TRIT1: variants seen among roughly 807,000 people sequenced by gnomAD.
TRIT1 encodes the protein tRNA isopentenyltransferase 1.
Under a neutral mutation model 51.2 loss-of-function variants are expected in TRIT1, and 43 were observed. The ratio of observed to expected loss-of-function variants is 0.84; its 90% CI spans 0.66 to 1.08. The LOEUF is 1.08. TRIT1 is among the 50% of genes least tolerant of loss of function. The probability of loss-of-function intolerance (pLI) is 0.00; values close to 1 mark genes in which losing one functional copy is unlikely to be tolerated. For missense variants in TRIT1, 528 were observed against 578.4 expected, an observed-to-expected ratio of 0.91 and a Z score of 0.89; for synonymous variants, 184 against 203.9, an observed-to-expected ratio of 0.90 and a Z score of 0.83.
intron 8 of TRIT1, among the ~76,000 whole-genome samples, chr1:39,845,966 T>G (rs553854819): frequency 2.5e-4 from 38 of 152,362 alleles, no homozygotes; most frequent in African/African-American, 8.7e-4. Flanking sequence ...GAGGAATTAT[T>G]GTGGTTTTAC....
At chr1:39,870,513 T>TAAAAAAAAA (rs60334518) in intron 1 of TRIT1, among the ~76,000 whole-genome samples, 25 of 78,786 alleles carry the variant, frequency 3.2e-4, no homozygotes, top group African/African-American at 6.1e-4. Context: ...CAATAAATAC[T>TAAAAAAAAA]AAAAAAAAAA....
At chr1:39,857,494 T>C in intron 1 of TRIT1, 77 bp from the exon 2 acceptor site, 1 of 1,529,380 alleles carries the variant, frequency 6.5e-7, no homozygotes, top group Middle Eastern at 1.7e-4. Flanking sequence ...GAAATTTTGA[T>C]CTATTTCTCC....
chr1:39,879,530 T>C (rs1034608338), intron 1 of TRIT1, among the ~76,000 whole-genome samples: 5 of 151,986 alleles, frequency 3.3e-5, no homozygotes, highest in African/African-American at 1.2e-4. Flanking sequence ...GTTCCATGCC[T>C]ATAGTCCCAG....
At chr1:39,855,248 C>T (rs998937136) in intron 2 of TRIT1, among the ~76,000 whole-genome samples, 1 of 152,198 alleles carries the variant, frequency 6.6e-6, no homozygotes, top group Non-Finnish European at 1.5e-5. Flanking sequence ...AGACAGACCA[C>T]CTCTTTTCTA....
chr1:39,867,863 C>A (rs1309858677), intron 1 of TRIT1, among the ~76,000 whole-genome samples: 8 of 152,118 alleles, frequency 5.3e-5, no homozygotes, highest in Non-Finnish European at 7.4e-5. Context: ...TTGTTTGCTT[C>A]AAGTAATGAA....
At chr1:39,859,935 A>G (rs1215227077) in intron 1 of TRIT1, among the ~76,000 whole-genome samples, 2 of 152,240 alleles carry the variant, frequency 1.3e-5, no homozygotes, top group African/African-American at 4.8e-5. Context: ...CAGAAACCCT[A>G]GAAGGCTAGA....
chr1:39,842,415 T>C (rs1641963325), intron 10 of TRIT1, among the ~76,000 whole-genome samples: 1 of 152,230 alleles, frequency 6.6e-6, no homozygotes, highest in Admixed American at 6.5e-5. Flanking sequence ...TTGCAGGGCA[T>C]TGCCTGTTGT....
chr1:39,845,912 G>T (rs1471494257), intron 8 of TRIT1, among the ~76,000 whole-genome samples: 1 of 152,150 alleles, frequency 6.6e-6, no homozygotes, highest in African/African-American at 2.4e-5. Flanking sequence ...TGAGGAACAG[G>T]CATATGACAC....
chr1:39,844,023 T>G (rs1642073319), intron 10 of TRIT1, 78 bp downstream of exon 10: 1 of 978,784 alleles, frequency 1.0e-6, no homozygotes, highest in African/African-American at 1.6e-5. Context: ...AGGTTCAATC[T>G]GCCAAAGACT....
intron 1 of TRIT1, among the ~76,000 whole-genome samples, chr1:39,870,577 G>A (rs1338929070): frequency 8.1e-6 from 1 of 123,644 alleles, no homozygotes; most frequent in Non-Finnish European, 1.7e-5. Context: ...GTAAATTAAC[G>A]ACAATGAGAT....
At chr1:39,865,593 G>A (rs893135219) in intron 1 of TRIT1, among the ~76,000 whole-genome samples, 1 of 100,432 alleles carries the variant, frequency 1.0e-5, no homozygotes, top group South Asian at 3.4e-4. Flanking sequence ...TCCCAGCACC[G>A]TGGGTGGCTG....
chr1:39,872,760 C>T (rs1338924075), intron 1 of TRIT1, among the ~76,000 whole-genome samples: 3 of 130,602 alleles, frequency 2.3e-5, no homozygotes, highest in East Asian at 2.4e-4. Flanking sequence ...TAAACACACA[C>T]ACACACACAC....
Position 39,841,708 on chromosome 1 carries a change from C to T in TRIT1, c.*36G>A, listed in dbSNP as rs560729900. ...CATACCCCTCCCTCCTGAACTGGATCCCCACCACCTTTCCAAAGGCCACTG... is the reference window on the plus strand; with the variant it reads ...CATACCCCTCCCTCCTGAACTGGATTCCCACCACCTTTCCAAAGGCCACTG... On this transcript the variant is annotated 3_prime_UTR_variant, in exon 11 of 11. Transcript: ENST00000316891. 327 of 1,579,232 alleles carry T rather than the reference C, an allele frequency of 2.1e-4. 3 individuals are homozygous for T. The East Asian group carries it at 6.3e-3, about 30-fold the overall frequency.
At chr1:39,874,455 CAT>C (rs1425634643) in intron 1 of TRIT1, among the ~76,000 whole-genome samples, 1 of 152,046 alleles carries the variant, frequency 6.6e-6, no homozygotes, top group African/African-American at 2.4e-5. Context: ...ATATCCATAA[CAT>C]AGTGTTAAAA....
At chr1:39,876,817 A>G (rs1019320988) in intron 1 of TRIT1, among the ~76,000 whole-genome samples, 6 of 151,172 alleles carry the variant, frequency 4.0e-5, no homozygotes, top group Non-Finnish European at 8.8e-5. Context: ...AGTCCCAGCT[A>G]CTCAGGAGGC....
chr1:39,857,262 CT>C lies in TRIT1; in HGVS notation c.315+14del. On this transcript the variant is annotated intron_variant, in intron 2 of 10. Coordinates refer to ENST00000316891, the MANE Select transcript of TRIT1 (RefSeq NM_017646.6). ...TTCACCCACCAAACCCAGCTGCTGC[CT>C]TTCCTAAGGATATCAGAGCAGTTGC... is the stretch of plus-strand genomic sequence containing the variant. The C allele has an allele frequency of 6.3e-7, 1 of 1,595,010 alleles. No individual in the cohort carries two copies. The highest frequency in any genetic ancestry group is 8.6e-7 in the Non-Finnish European group (1 of 1,168,632).
intron 8 of TRIT1, among the ~76,000 whole-genome samples, chr1:39,845,304 C>A (rs1642161826): frequency 6.6e-6 from 1 of 152,208 alleles, no homozygotes; most frequent in Non-Finnish European, 1.5e-5. Flanking sequence ...GCAAAGAGTG[C>A]AGCTACAGGT....
Position 39,841,852 on chromosome 1 carries a change from ATC to A in TRIT1, c.1294_1295del (p.Asp432CysfsTer15). The A allele has an allele frequency of 6.2e-7, 1 of 1,614,146 alleles. No homozygotes were observed. The highest frequency in any genetic ancestry group is 2.2e-5 in the East Asian group (1 of 44,886). ...QLKKRRRLDS[D>X]AVNTIESQSV... is the part of the protein sequence containing the mutation. ...TCTGACTTTCTATGGTGTTGACAGC[ATC>A]TGAGTCCAATCTTCTTCTTTTCTTC... On this transcript the variant is annotated frameshift_variant, in exon 11 of 11. Coordinates refer to ENST00000316891, the MANE Select transcript of TRIT1 (RefSeq NM_017646.6). LOFTEE classifies it low-confidence loss of function (END_TRUNC).
rs1404306550 is a variant in TRIT1, at chr1:39,848,098, C to G, written c.704-1G>C. 6.2e-7 allele frequency: 1 copy of G among 1,613,686 alleles called. No homozygotes were observed. Among genetic ancestry groups the G allele is most frequent in the East Asian group, 2.2e-5 (1 of 44,884 alleles). On this transcript the variant is annotated splice_acceptor_variant, in intron 5 of 10. Coordinates refer to ENST00000316891, the MANE Select transcript of TRIT1 (RefSeq NM_017646.6). LOFTEE classifies it high-confidence loss of function. ...CTCTTATCCAAGCGCTCATCTAGAA[C>G]TTGAATCAAATTAGCCCATCAACCA...
Sources: gnomAD v4.1 joint callset for allele counts (sites outside exome capture counted in the v4.1 genomes callset) on GRCh38, gnomAD v4.1.1 for gene constraint, MANE v1.5 for transcripts, NCBI Gene and HGNC (gene_info 2026-07-23, HGNC 2026-07-21) for gene names.